The following ARFGEF1 variants were observed in gnomAD, a reference collection of about 807,000 sequenced individuals.
ARFGEF1 encodes brefeldin A-inhibited guanine nucleotide-exchange protein 1.
In ARFGEF1, 42 loss-of-function variants were observed where a neutral mutation model predicts 231.0. That is an observed-to-expected ratio of 0.18 (90% CI 0.14 to 0.24). The LOEUF (loss-of-function observed/expected upper bound fraction) is 0.24, where lower values mean the gene tolerates loss of function less well. ARFGEF1 is among the 10% of genes least tolerant of loss of function. The pLI is 1.00. For synonymous variants in ARFGEF1, 710 were observed against 732.3 expected, an observed-to-expected ratio of 0.97 and a Z score of 0.49; for missense variants, 1,345 against 2,192.0, an observed-to-expected ratio of 0.61 and a Z score of 7.72.
intron 1 of ARFGEF1, among the ~76,000 whole-genome samples, chr8:67,342,359 C>A (rs575855904): frequency 6.6e-6 from 1 of 152,324 alleles, no homozygotes; most frequent in South Asian, 2.1e-4. Flanking sequence ...TCTCTTCCAT[C>A]TGAACTATAA....
chr8:67,221,441 T>A (rs1207543449), intron 29 of ARFGEF1, among the ~76,000 whole-genome samples: 1 of 152,038 alleles, frequency 6.6e-6, no homozygotes, highest in Non-Finnish European at 1.5e-5. Flanking sequence ...AATGTGTGTG[T>A]CTATGTCTTA....
chr8:67,231,778 C>G (rs1235520809), intron 23 of ARFGEF1, among the ~76,000 whole-genome samples: 1 of 152,038 alleles, frequency 6.6e-6, no homozygotes, highest in African/African-American at 2.4e-5. Flanking sequence ...TAATCTTTTT[C>G]TGTCTCAGTT....
At chr8:67,326,086 C>T (rs923644068) in intron 1 of ARFGEF1, among the ~76,000 whole-genome samples, 4 of 152,122 alleles carry the variant, frequency 2.6e-5, no homozygotes, top group African/African-American at 9.7e-5. Flanking sequence ...GTAGTCCCAG[C>T]TACTTAGGAG....
intron 2 of ARFGEF1, among the ~76,000 whole-genome samples, chr8:67,301,924 G>A (rs1440382660): frequency 2.6e-5 from 4 of 152,028 alleles, no homozygotes; most frequent in Non-Finnish European, 4.4e-5. Context: ...AGTATGCTTA[G>A]AGCAGAGTCT....
At chr8:67,335,122 T>C (rs1270463646) in intron 1 of ARFGEF1, among the ~76,000 whole-genome samples, 1 of 150,336 alleles carries the variant, frequency 6.7e-6, no homozygotes, top group African/African-American at 2.5e-5. Flanking sequence ...TTTTTTTTTT[T>C]TGAGACAGAG....
intron 22 of ARFGEF1, among the ~76,000 whole-genome samples, chr8:67,234,391 T>C (rs117957654): frequency 6.6e-6 from 1 of 152,236 alleles, no homozygotes; most frequent in East Asian, 1.9e-4. Context: ...GAACAGGGTG[T>C]TAGCTCATAG....
intron 29 of ARFGEF1, among the ~76,000 whole-genome samples, chr8:67,221,751 T>G (rs1839167976): frequency 6.6e-6 from 1 of 151,918 alleles, no homozygotes; most frequent in Non-Finnish European, 1.5e-5. Flanking sequence ...CAGAACAATT[T>G]CCAGTCCGGC....
chr8:67,238,724 A>C lies in ARFGEF1; in HGVS notation c.3138+11T>G. Reference sequence around the variant, plus strand: ...AACCAAATTGCAAAGTTGAAAATAAAGTGCTTATACCTCATGCCATGAATT... The same window carrying C: ...AACCAAATTGCAAAGTTGAAAATAACGTGCTTATACCTCATGCCATGAATT... On this transcript the variant is annotated intron_variant, in intron 21 of 38. Transcript: ENST00000262215. 1 of 1,609,342 alleles carries C rather than the reference A, an allele frequency of 6.2e-7. No individual in the cohort carries two copies. The highest frequency in any genetic ancestry group is 8.5e-7 in the Non-Finnish European group (1 of 1,176,764).
chr8:67,334,284 C>CAA (rs35170687), intron 1 of ARFGEF1, among the ~76,000 whole-genome samples: 6 of 104,932 alleles, frequency 5.7e-5, no homozygotes, highest in Non-Finnish European at 8.3e-5. Flanking sequence ...TTCCAAAGTC[C>CAA]AAAAAAAAAA....
intron 15 of ARFGEF1, 45 bp downstream of exon 15, chr8:67,259,770 C>G: frequency 6.3e-6 from 9 of 1,428,356 alleles, no homozygotes; most frequent in Non-Finnish European, 8.7e-6. Context: ...AAAAAAAATC[C>G]CAAGAATTTT....
intron 23 of ARFGEF1, 46 bp from the exon 24 acceptor site, chr8:67,228,310 C>T (rs761150461): frequency 1.3e-6 from 2 of 1,550,076 alleles, no homozygotes; most frequent in Non-Finnish European, 1.8e-6. Context: ...AGTTACTGTT[C>T]TTATTCCAAT....
chr8:67,318,839 G>A (rs1211828811), intron 1 of ARFGEF1, among the ~76,000 whole-genome samples: 1 of 152,176 alleles, frequency 6.6e-6, no homozygotes, highest in Non-Finnish European at 1.5e-5. Flanking sequence ...TAGGCAGGGT[G>A]GTGCATGCAT....
chr8:67,214,090 GAAAT>G (rs1169709423), intron 33 of ARFGEF1, among the ~76,000 whole-genome samples: 1 of 152,238 alleles, frequency 6.6e-6, no homozygotes, highest in Non-Finnish European at 1.5e-5. Context: ...ACTGTTGGTA[GAAAT>G]ATGGATGTCA....
At chr8:67,291,381 G>T (rs895653315) in intron 6 of ARFGEF1, among the ~76,000 whole-genome samples, 1 of 150,108 alleles carries the variant, frequency 6.7e-6, no homozygotes. Context: ...CTATCAGTTG[G>T]TTACTCAAAA....
rs140446436 is a variant in ARFGEF1 at position 67,327,319 on chromosome 8, C to CTT, written c.124+15843_124+15844dup. Reference sequence around the variant, plus strand: ...ATACAGACTCCTCGATGACGTACGTCTTTTTTTTTTTTTTTTTTGAGACAG... The same window carrying CTT: ...ATACAGACTCCTCGATGACGTACGTCTTTTTTTTTTTTTTTTTTTTGAGACAG... On this transcript the variant is annotated intron_variant, in intron 1 of 38. Transcript: ENST00000262215. 2.3e-4 allele frequency among the ~76,000 whole-genome samples: 31 copies of CTT among 134,048 alleles called. 1 individual carries two copies. The highest frequency in any genetic ancestry group is 6.2e-4 in the African/African-American group (23 of 36,838). The allele number at this position is 134,048 out of a possible 152,430, so 87.9% of individuals were successfully genotyped here.
intron 1 of ARFGEF1, among the ~76,000 whole-genome samples, chr8:67,328,266 C>T (rs1486148721): frequency 6.6e-6 from 1 of 152,030 alleles, no homozygotes; most frequent in African/African-American, 2.4e-5. Context: ...TAATTCTTTA[C>T]AGTCTTAACA....
Position 67,343,356 on chromosome 8 carries a change from G to C in ARFGEF1, c.-69C>G. 1 of 1,573,694 alleles carries C rather than the reference G, an allele frequency of 6.4e-7. No individual in the cohort carries two copies. ...CAGCGGCTGGAGGGGAGGAGGAGGA[G>C]AGGAAGGAAGAGAAGAGAGAAAGGA... On this transcript the variant is annotated 5_prime_UTR_variant, in exon 1 of 39. Transcript: ENST00000262215.
rs1232963161 is a variant in ARFGEF1, at chr8:67,177,705, T to C, written c.561-2133A>G. 4 of 1,612,158 alleles carry C rather than the reference T, an allele frequency of 2.5e-6. No individual in the cohort carries two copies. The African/African-American group carries it at 5.3e-5, about 22-fold the overall frequency. The stretch of plus-strand genomic sequence containing the variant: ...TTGACTTAGATGCCATCCCAAGTGC[T>C]AAAGTACGAGAGCAAAGAATGGTAA... On this transcript the variant is annotated intron_variant, in intron 5 of 5. Transcript: ENST00000518789.
intron 1 of ARFGEF1, among the ~76,000 whole-genome samples, chr8:67,317,617 A>C (rs550141774): frequency 6.6e-6 from 1 of 151,862 alleles, no homozygotes; most frequent in Non-Finnish European, 1.5e-5. Context: ...TTTAAAAAAA[A>C]AAAAAAAAAA....
Sources: gnomAD v4.1 joint callset for allele counts (sites outside exome capture counted in the v4.1 genomes callset) on GRCh38, gnomAD v4.1.1 for gene constraint, MANE v1.5 for transcripts, NCBI Gene and HGNC (gene_info 2026-07-23, HGNC 2026-07-21) for gene names.